CCDC171: variants seen among roughly 807,000 people sequenced by gnomAD.
CCDC171 encodes the protein coiled-coil domain-containing protein 171.
A neutral mutation model predicts 168.2 loss-of-function variants in CCDC171; 177 were observed. The ratio of observed to expected loss-of-function variants is 1.05; its 90% CI spans 0.93 to 1.19. The LOEUF (loss-of-function observed/expected upper bound fraction) is 1.19. Among genes scored for constraint, CCDC171 ranks in the 50% most tolerant of loss-of-function variants. The pLI, the probability that CCDC171 is intolerant of heterozygous loss-of-function variation, is 0.00. For missense variants in CCDC171, 1,991 were observed against 1,539.0 expected (o/e 1.29, Z -4.91); for synonymous variants, 687 against 540.8 (o/e 1.27, Z -3.75).
rs1433199006 is a variant in CCDC171 at position 15,779,043 on chromosome 9, T to C, written c.2974T>C (p.Ser992Pro). 9 of 1,604,584 alleles carry C rather than the reference T, an allele frequency of 5.6e-6. No homozygotes were observed. Among genetic ancestry groups the C allele is most frequent in the Non-Finnish European group, 6.8e-6 (8 of 1,175,780 alleles). ...GCATGCTGCAGAAGTGGAGCGCCGC[T>C]CACTACGCTTAGAGGTCACAGAATT... is the stretch of plus-strand genomic sequence containing the variant. ...RLHAAEVERR[S>P]LRLEVTEFKR... The change falls in exon 20 of 26, where the codon TCA (serine) becomes CCA (proline). Residue 992 changes from serine to proline, a missense_variant. Coordinates refer to ENST00000380701, the MANE Select transcript of CCDC171 (RefSeq NM_173550.4).
At chr9:15,752,922 A>G (rs1317220274) in intron 18 of CCDC171, among the ~76,000 whole-genome samples, 1 of 152,124 alleles carries the variant, frequency 6.6e-6, no homozygotes, top group Non-Finnish European at 1.5e-5. Flanking sequence ...TTATGTTACT[A>G]ATATTCTTTG....
At chr9:15,774,605 A>G (rs1050981817) in intron 18 of CCDC171, among the ~76,000 whole-genome samples, 4 of 152,244 alleles carry the variant, frequency 2.6e-5, no homozygotes, top group African/African-American at 9.6e-5. Context: ...TCACTACTAC[A>G]TATCTACTCA....
chr9:15,631,895 T>C (rs1368936983), intron 7 of CCDC171, among the ~76,000 whole-genome samples: 1 of 152,116 alleles, frequency 6.6e-6, no homozygotes, highest in African/African-American at 2.4e-5. Flanking sequence ...TAATCCATCA[T>C]ATAAACAGAA....
intron 3 of CCDC171, among the ~76,000 whole-genome samples, chr9:15,984,422 A>G (rs1429165771): frequency 2.1e-5 from 3 of 141,840 alleles, no homozygotes; most frequent in African/African-American, 5.5e-5. Flanking sequence ...GTGTGTGTAC[A>G]TATATATGTG....
intron 25 of CCDC171, among the ~76,000 whole-genome samples, chr9:15,958,275 A>G (rs1171576802): frequency 2.0e-5 from 3 of 152,132 alleles, no homozygotes; most frequent in Non-Finnish European, 1.5e-5. Flanking sequence ...AGCCAGCACT[A>G]TTCATTAGAA....
intron 21 of CCDC171, among the ~76,000 whole-genome samples, chr9:15,797,702 TCTAA>T (rs1330559877): frequency 1.3e-5 from 2 of 152,180 alleles, no homozygotes; most frequent in African/African-American, 4.8e-5. Context: ...GTATCCATAT[TCTAA>T]CTTTTATTGT....
chr9:15,756,466 A>G (rs1302071104), intron 18 of CCDC171, among the ~76,000 whole-genome samples: 1 of 152,136 alleles, frequency 6.6e-6, no homozygotes, highest in Non-Finnish European at 1.5e-5. Flanking sequence ...GGTTTGGGGT[A>G]CGAATGATTC....
chr9:15,733,609 T>C (rs1186572791), intron 16 of CCDC171, among the ~76,000 whole-genome samples: 1 of 152,102 alleles, frequency 6.6e-6, no homozygotes, highest in African/African-American at 2.4e-5. Flanking sequence ...CTCTAGACTT[T>C]CTTGTCTGTT....
At chr9:15,561,686 T>C (rs2039312996) in intron 1 of CCDC171, among the ~76,000 whole-genome samples, 1 of 152,170 alleles carries the variant, frequency 6.6e-6, no homozygotes, top group Non-Finnish European at 1.5e-5. Flanking sequence ...TGCATGGGAA[T>C]CCCATCATAG....
At chr9:15,961,461 A>C (rs944976771) in intron 25 of CCDC171, among the ~76,000 whole-genome samples, 6 of 152,210 alleles carry the variant, frequency 3.9e-5, no homozygotes, top group Admixed American at 1.3e-4. Context: ...GCCACTCTGC[A>C]TAAGGAGTTG....
chr9:15,669,571 C>G (rs759646322), intron 9 of CCDC171, among the ~76,000 whole-genome samples: 4 of 152,108 alleles, frequency 2.6e-5, no homozygotes, highest in Non-Finnish European at 5.9e-5. Context: ...GATCCTGTTC[C>G]TTCCATCTAA....
At chr9:15,894,917 A>G (rs1213046642) in intron 24 of CCDC171, among the ~76,000 whole-genome samples, 1 of 152,096 alleles carries the variant, frequency 6.6e-6, no homozygotes, top group African/African-American at 2.4e-5. Context: ...ATACTTTACC[A>G]CAGTATCTTC....
the CCDC171 span, among the ~76,000 whole-genome samples, chr9:16,097,778 C>T: frequency 6.6e-6 from 1 of 152,196 alleles, no homozygotes; most frequent in Non-Finnish European, 1.5e-5. Flanking sequence ...AAGTGCATCT[C>T]TCAGAACGAA....
intron 6 of CCDC171, among the ~76,000 whole-genome samples, chr9:16,028,251 C>T (rs16933973): frequency 0.018 from 2,755 of 152,206 alleles, 84 homozygotes; most frequent in South Asian, 0.11. Flanking sequence ...AAGCTTCTTC[C>T]GTGGTGGATG....
chr9:15,729,793 G>A lies in CCDC171; in HGVS notation c.2044G>A (p.Ala682Thr). The change falls in exon 16 of 26, where the codon GCA becomes ACA. Residue 682 changes from alanine (A) to threonine (T), a missense_variant. Physicochemically the swap from Ala to Thr is moderately conservative, Grantham distance 58. Transcript: ENST00000380701. ...ACTCTTCCTGGAGGTGCAGAAGAGG[G>A]CACAGGTATGCTACCTTTACAAAGA... ...SELFLEVQKR[A>T]QKFQEIAEKN... is the part of the protein sequence containing the mutation. The A allele has an allele frequency of 6.2e-7, 1 of 1,605,968 alleles. No homozygotes were observed. The highest frequency in any genetic ancestry group is 2.2e-5 in the East Asian group (1 of 44,826).
intron 7 of CCDC171, among the ~76,000 whole-genome samples, chr9:15,630,874 A>C (rs2045622746): frequency 6.6e-6 from 1 of 152,228 alleles, no homozygotes; most frequent in South Asian, 2.1e-4. Context: ...AACTCACTCA[A>C]AACTGCTCAA....
chr9:15,987,005 A>G (rs943590965), intron 3 of CCDC171, among the ~76,000 whole-genome samples: 3 of 152,182 alleles, frequency 2.0e-5, no homozygotes, highest in South Asian at 2.1e-4. Context: ...ATATTTAAAT[A>G]CTTAAAAATG....
At position 15,568,954 on chromosome 9, in the gene CCDC171, G is replaced by C. The variant is rs1330433478; in HGVS notation, c.42-2670G>C. On this transcript the variant is annotated intron_variant, in intron 2 of 25. Coordinates refer to ENST00000380701, the MANE Select transcript of CCDC171 (RefSeq NM_173550.4). ...TGTTGTGATTGCTTTAGGCATCTTC[G>C]TCATGACATCTTTGCCCATTCCTGT... Among the ~76,000 whole-genome samples the C allele has an allele frequency of 2.0e-5, 3 of 152,228 alleles. No individual in the cohort carries two copies. In the East Asian group the frequency reaches 5.8e-4, roughly 29 times the overall value.
chr9:16,041,248 G>T (rs1444091677), upstream of CCDC171, among the ~76,000 whole-genome samples: 1 of 152,180 alleles, frequency 6.6e-6, no homozygotes, highest in Non-Finnish European at 1.5e-5. Context: ...AGAAGTGGAG[G>T]TTTCAGCTAG....
Sources: allele counts gnomAD v4.1 joint callset (sites outside exome capture counted in the v4.1 genomes callset), GRCh38; gene constraint gnomAD v4.1.1; transcripts MANE v1.5; gene names NCBI Gene and HGNC (gene_info 2026-07-23, HGNC 2026-07-21).